SOS2: variants seen among roughly 807,000 people sequenced by gnomAD.
SOS2 encodes SOS Ras/Rho guanine nucleotide exchange factor 2, also known as son of sevenless homolog 2.
A neutral mutation model predicts 148.2 loss-of-function variants in SOS2; 65 were observed. The observed-to-expected ratio is 0.44, with a 90% CI of 0.36 to 0.54. The LOEUF (loss-of-function observed/expected upper bound fraction) is 0.54. Among genes scored for constraint, SOS2 ranks in the 20% least tolerant of loss-of-function variants. The pLI, the probability that SOS2 is intolerant of heterozygous loss-of-function variation, is 0.00. For missense variants in SOS2, 1,341 were observed against 1,590.2 expected (o/e 0.84, Z 2.67); for synonymous variants, 539 against 537.1 (o/e 1.00, Z -0.05).
intron 1 of SOS2, among the ~76,000 whole-genome samples, chr14:50,226,645 G>C (rs1350800714): frequency 5.9e-5 from 9 of 152,274 alleles, no homozygotes; most frequent in Non-Finnish European, 1.3e-4. Flanking sequence ...ATTGGACTCA[G>C]GAACAAAGTA....
intron 4 of SOS2, among the ~76,000 whole-genome samples, chr14:50,192,328 A>G (rs953903393): frequency 6.6e-6 from 1 of 151,884 alleles, no homozygotes; most frequent in Non-Finnish European, 1.5e-5. Flanking sequence ...GCCAAGGTGG[A>G]TGGATCACCT....
chr14:50,159,382 C>T, intron 10 of SOS2, 49 bp downstream of exon 10: 1 of 1,294,924 alleles, frequency 7.7e-7, no homozygotes. Flanking sequence ...CCTTAAAAAG[C>T]TTTTGGGTCC....
At chr14:50,223,323 C>G (rs1162947609) in intron 1 of SOS2, among the ~76,000 whole-genome samples, 1 of 152,004 alleles carries the variant, frequency 6.6e-6, no homozygotes, top group Admixed American at 6.6e-5. Context: ...ATGCTTGGGC[C>G]CAGGAGTTGG....
intron 21 of SOS2, among the ~76,000 whole-genome samples, chr14:50,121,036 C>T (rs143979408): frequency 7.2e-5 from 11 of 152,166 alleles, no homozygotes; most frequent in East Asian, 1.9e-4. Flanking sequence ...CCGTGCCCTG[C>T]GAGACCGTAT....
chr14:50,148,270 C>T (rs375931003), intron 14 of SOS2, among the ~76,000 whole-genome samples: 12 of 151,582 alleles, frequency 7.9e-5, no homozygotes, highest in East Asian at 7.8e-4. Context: ...AAAAGCCGGG[C>T]ATGGTGGCAC....
chr14:50,164,086 TAATG>T (rs1418982710), intron 8 of SOS2, among the ~76,000 whole-genome samples: 1 of 152,182 alleles, frequency 6.6e-6, no homozygotes, highest in Non-Finnish European at 1.5e-5. Flanking sequence ...AACATCATAT[TAATG>T]AATATCCAAC....
At chr14:50,192,535 G>A (rs549865703) in intron 4 of SOS2, among the ~76,000 whole-genome samples, 11 of 152,108 alleles carry the variant, frequency 7.2e-5, no homozygotes, top group Non-Finnish European at 1.5e-4. Context: ...CAGCCTGGGC[G>A]AAAGAGCAAG....
Position 50,141,267 on chromosome 14 carries a change from C to G in SOS2, c.2668-1208G>C, listed in dbSNP as rs539513023. On this transcript the variant is annotated intron_variant, in intron 16 of 22. Coordinates refer to ENST00000216373, the MANE Select transcript of SOS2 (RefSeq NM_006939.4). ...AAGTGCAGTGGCTCACACCTGTAAT[C>G]CCAGCACTTTGAGATGTTGGGGTGG... Among the ~76,000 whole-genome samples the G allele has an allele frequency of 2.7e-5, 4 of 148,428 alleles. No homozygotes were observed. In the South Asian group the frequency reaches 8.6e-4, roughly 32 times the overall value.
At chr14:50,141,352 T>G (rs1486957002) in intron 16 of SOS2, among the ~76,000 whole-genome samples, 1 of 150,908 alleles carries the variant, frequency 6.6e-6, no homozygotes, top group Non-Finnish European at 1.5e-5. Flanking sequence ...ACGCCCAATC[T>G]CCACATAAAA....
chr14:50,130,467 C>T (rs773563135), intron 20 of SOS2, 34 bp downstream of exon 20: 1 of 1,578,362 alleles, frequency 6.3e-7, no homozygotes, highest in Non-Finnish European at 8.6e-7. Context: ...CACAGGATTC[C>T]TTTTTTACCA....
At chr14:50,176,572 A>G (rs1566838717) in intron 7 of SOS2, among the ~76,000 whole-genome samples, 1 of 152,262 alleles carries the variant, frequency 6.6e-6, no homozygotes. Flanking sequence ...TATTTAATAC[A>G]CATCAAACAT....
In SOS2 at chr14:50,157,054, T is replaced by C. The variant is rs1191421731; in HGVS notation, c.2002A>G (p.Ile668Val). 2.5e-6 allele frequency: 4 copies of C among 1,612,866 alleles called. No homozygotes were observed. Among genetic ancestry groups the C allele is most frequent in the South Asian group, 2.2e-5 (2 of 91,002 alleles). Residue 668 changes from isoleucine (I) to valine (V), a missense_variant, in exon 12 of 23, where the codon ATC becomes GTC. Coordinates refer to ENST00000216373, the MANE Select transcript of SOS2 (RefSeq NM_006939.4). ...CGAAATCTTTTAAGGTCTGCACTGA[T>C]TGGCTGCTCGCCTTTCTCTATTGCC... ...KLAIEKGEQPISADLKRFRKE... is the reference protein window; with the variant it reads ...KLAIEKGEQPVSADLKRFRKE...
At chr14:50,213,322 A>G (rs1275215030) in intron 1 of SOS2, among the ~76,000 whole-genome samples, 1 of 152,222 alleles carries the variant, frequency 6.6e-6, no homozygotes, top group Non-Finnish European at 1.5e-5. Context: ...AGTGTACTAC[A>G]TAGAAAAACA....
At chr14:50,176,033 C>T (rs2139683579) in intron 7 of SOS2, among the ~76,000 whole-genome samples, 1 of 152,276 alleles carries the variant, frequency 6.6e-6, no homozygotes, top group East Asian at 1.9e-4. Flanking sequence ...ACCTAATCCC[C>T]AATGCAACAG....
intron 7 of SOS2, 24 bp downstream of exon 7, chr14:50,180,548 A>G (rs750413580): frequency 3.3e-5 from 35 of 1,076,582 alleles, no homozygotes; most frequent in Non-Finnish European, 4.4e-5. Flanking sequence ...AAAAAAAAAA[A>G]AAAAACCTTC....
intron 8 of SOS2, among the ~76,000 whole-genome samples, chr14:50,170,314 T>C (rs1347755465): frequency 6.6e-6 from 1 of 151,984 alleles, no homozygotes; most frequent in African/African-American, 2.4e-5. Flanking sequence ...TATAATTCAA[T>C]CTTCATGCAA....
At chr14:50,168,445 C>T (rs1885237259) in intron 8 of SOS2, among the ~76,000 whole-genome samples, 1 of 152,150 alleles carries the variant, frequency 6.6e-6, no homozygotes, top group South Asian at 2.1e-4. Context: ...TGGTCTCAAA[C>T]TCCTGGGTTC....
At chr14:50,208,308 T>C (rs1171863780) in intron 1 of SOS2, among the ~76,000 whole-genome samples, 2 of 150,522 alleles carry the variant, frequency 1.3e-5, no homozygotes, top group South Asian at 2.1e-4. Context: ...AACAAACAAA[T>C]AAAAAATCTC....
intron 8 of SOS2, among the ~76,000 whole-genome samples, 190 bp from the exon 9 acceptor site, chr14:50,161,799 T>C (rs75216137): frequency 1.4e-4 from 14 of 97,432 alleles, no homozygotes; most frequent in African/African-American, 5.3e-4. Context: ...CTTTTTTTTT[T>C]TTTTTTTTGA....
Sources: gnomAD v4.1 joint callset for allele counts (sites outside exome capture counted in the v4.1 genomes callset) on GRCh38, gnomAD v4.1.1 for gene constraint, MANE v1.5 for transcripts, NCBI Gene and HGNC (gene_info 2026-07-23, HGNC 2026-07-21) for gene names.